Variants in PKD2 observed in about 807,000 individuals in gnomAD.
PKD2 encodes the protein polycystin-2.
Under a neutral mutation model 105.9 loss-of-function variants are expected in PKD2, and 48 were observed. The ratio of observed to expected loss-of-function variants is 0.45; its 90% CI spans 0.36 to 0.58. The LOEUF (loss-of-function observed/expected upper bound fraction) is 0.58, where lower values mean the gene tolerates loss of function less well. PKD2 is among the 20% of genes least tolerant of loss of function. The pLI, the probability that PKD2 is intolerant of heterozygous loss-of-function variation, is 0.00. For missense variants in PKD2, 1,078 were observed against 1,255.3 expected (o/e 0.86, Z 2.13); for synonymous variants, 464 against 481.1 (o/e 0.96, Z 0.46).
chr4:88,035,141 T>G (rs1727288790), intron 2 of PKD2, among the ~76,000 whole-genome samples: 1 of 152,196 alleles, frequency 6.6e-6, no homozygotes, highest in Non-Finnish European at 1.5e-5. Context: ...TCAGAAAGTT[T>G]AAGCAACTTG....
intron 1 of PKD2, among the ~76,000 whole-genome samples, chr4:88,011,804 T>C (rs1726389027): frequency 6.7e-6 from 1 of 148,950 alleles, no homozygotes; most frequent in Admixed American, 7.0e-5. Flanking sequence ...CTATGCACAG[T>C]GACTGATGAA....
At position 88,043,464 on chromosome 4, in the gene PKD2, A is replaced by T; in HGVS notation, c.1319+7A>T. ...ACCTGTTCTGTGTGGTCAGGTGTGT[A>T]CTGAGGACATGCATCCCTCCTATTT... On this transcript the variant is annotated splice_region_variant and intron_variant, in intron 5 of 14. Transcript: ENST00000237596. 6.4e-7 allele frequency: 1 copy of T among 1,564,160 alleles called. No homozygotes were observed. The highest frequency in any genetic ancestry group is 8.8e-7 in the Non-Finnish European group (1 of 1,134,554).
At chr4:88,055,413 G>A (rs923074435) in intron 7 of PKD2, among the ~76,000 whole-genome samples, 1 of 151,764 alleles carries the variant, frequency 6.6e-6, no homozygotes, top group Non-Finnish European at 1.5e-5. Flanking sequence ...CACAGTTCAC[G>A]GCAGCCTCGA....
chr4:88,067,815 G>C, intron 12 of PKD2, 83 bp from the exon 13 acceptor site: 1 of 1,191,960 alleles, frequency 8.4e-7, no homozygotes, highest in East Asian at 2.4e-5. Flanking sequence ...CATGCACCCA[G>C]TTCCTGCTTG....
At chr4:88,044,720 C>T (rs910278469) in intron 5 of PKD2, among the ~76,000 whole-genome samples, 1 of 152,082 alleles carries the variant, frequency 6.6e-6, no homozygotes, top group Non-Finnish European at 1.5e-5. Flanking sequence ...GATGTTGAAT[C>T]AACTGTTGTG....
At chr4:88,048,215 T>G (rs1268941311) in intron 6 of PKD2, among the ~76,000 whole-genome samples, 8 of 152,222 alleles carry the variant, frequency 5.3e-5, no homozygotes. Flanking sequence ...TCTCAGTAAA[T>G]GATGCACTAC....
rs192275722 is a variant in PKD2, at chr4:88,039,558, G to A, written c.1094+1057G>A. 6.6e-5 allele frequency among the ~76,000 whole-genome samples: 10 copies of A among 151,774 alleles called. No individual in the cohort carries two copies. The East Asian group carries it at 1.9e-3, about 29-fold the overall frequency. On this transcript the variant is annotated intron_variant, in intron 4 of 14. Transcript: ENST00000237596. ...CATGTGCCTATAGTCACAGCTATTC[G>A]GGAGGCTGAGGCAGGAGAATTGCTT...
chr4:88,014,037 C>T (rs1578115081), intron 1 of PKD2, among the ~76,000 whole-genome samples: 1 of 152,124 alleles, frequency 6.6e-6, no homozygotes, highest in East Asian at 1.9e-4. Context: ...CAGGAGAGGG[C>T]TGACCAAGAG....
At chr4:88,070,715 C>T (rs1388111244) in intron 13 of PKD2, among the ~76,000 whole-genome samples, 1 of 151,244 alleles carries the variant, frequency 6.6e-6, no homozygotes, top group Admixed American at 6.6e-5. Flanking sequence ...TCTCTACAGC[C>T]TGAACACCTG....
In PKD2 at chr4:88,075,765, A is replaced by C; in HGVS notation, c.*71A>C. 1 of 1,038,732 alleles carries C rather than the reference A, an allele frequency of 9.6e-7. No individual in the cohort carries two copies. The highest frequency in any genetic ancestry group is 2.4e-5 in the East Asian group (1 of 42,434). The allele number at this position is 1,038,732 out of a possible 1,614,324, so 64.3% of individuals were successfully genotyped here. ...TGTCCTGAATTGCTGTAACAAGCAC[A>C]CTATTTATATGCCCTGACCACCATA... On this transcript the variant is annotated 3_prime_UTR_variant, in exon 15 of 15. Coordinates refer to ENST00000237596, the MANE Select transcript of PKD2 (RefSeq NM_000297.4).
intron 4 of PKD2, 93 bp downstream of exon 4, chr4:88,038,594 C>T: frequency 7.4e-7 from 1 of 1,359,198 alleles, no homozygotes; most frequent in Admixed American, 1.7e-5. Flanking sequence ...GACACCTTCA[C>T]CAAGGCAAAA....
chr4:88,034,943 G>A lies in PKD2; in HGVS notation c.710-1277G>A, dbSNP rs147610110. Among the ~76,000 whole-genome samples the A allele has an allele frequency of 5.5e-3, 837 of 152,202 alleles. 7 individuals are homozygous for A. Among genetic ancestry groups the A allele is most frequent in the African/African-American group, 0.019 (780 of 41,504 alleles). ...AAAGTCCAGAATGAGACAGTACTTG[G>A]TAAAGTGCTGAAATTTATAATAAAT... On this transcript the variant is annotated intron_variant, in intron 2 of 14. Transcript: ENST00000237596.
chr4:88,054,483 A>G (rs1720243472), intron 7 of PKD2, among the ~76,000 whole-genome samples: 1 of 152,118 alleles, frequency 6.6e-6, no homozygotes, highest in African/African-American at 2.4e-5. Flanking sequence ...TCCTCAAGAA[A>G]TATTTCACTG....
chr4:88,060,810 T>C (rs1012553834), intron 9 of PKD2, among the ~76,000 whole-genome samples: 1 of 152,164 alleles, frequency 6.6e-6, no homozygotes, highest in Non-Finnish European at 1.5e-5. Flanking sequence ...TAGCTATCAA[T>C]TAGGTGGCAC....
chr4:88,021,340 A>G (rs186838450), intron 2 of PKD2, among the ~76,000 whole-genome samples: 1 of 152,206 alleles, frequency 6.6e-6, no homozygotes, highest in African/African-American at 2.4e-5. Context: ...TTTGGAAGGT[A>G]AGTCAGAGAA....
chr4:88,056,986 T>TG (rs1034356425), intron 8 of PKD2, among the ~76,000 whole-genome samples: 11 of 152,100 alleles, frequency 7.2e-5, no homozygotes, highest in Admixed American at 2.6e-4. Context: ...TGTTTTGTTT[T>TG]TTTTTGTTTT....
At chr4:88,036,405 T>G in intron 3 of PKD2, 52 bp downstream of exon 3, 2 of 1,610,120 alleles carry the variant, frequency 1.2e-6, no homozygotes, top group Non-Finnish European at 1.7e-6. Flanking sequence ...AATTGTTCAT[T>G]TGGCTTCATC....
At chr4:88,036,131 C>A in intron 2 of PKD2, 89 bp from the exon 3 acceptor site, 1 of 1,609,846 alleles carries the variant, frequency 6.2e-7, no homozygotes, top group South Asian at 1.1e-5. Context: ...AATGTTTATC[C>A]ACAGGAACAA....
intron 8 of PKD2, among the ~76,000 whole-genome samples, chr4:88,057,049 G>T (rs1299934874): frequency 6.6e-6 from 1 of 152,010 alleles, no homozygotes; most frequent in Non-Finnish European, 1.5e-5. Context: ...GAGTGCAGTG[G>T]TGCAATCATA....
Sources: gnomAD v4.1 joint callset for allele counts (sites outside exome capture counted in the v4.1 genomes callset) on GRCh38, gnomAD v4.1.1 for gene constraint, MANE v1.5 for transcripts, NCBI Gene and HGNC (gene_info 2026-07-23, HGNC 2026-07-21) for gene names.